Variants in C9orf85 observed in about 807,000 individuals in gnomAD.
C9orf85 encodes the protein chromosome 9 open reading frame 85.
In C9orf85, 16 loss-of-function variants were observed where a neutral mutation model predicts 14.9. The ratio of observed to expected loss-of-function variants is 1.08; its 90% confidence interval spans 0.73 to 1.63. The LOEUF is 1.63. Among genes scored for constraint, C9orf85 ranks in the 40% most tolerant of loss-of-function variants. C9orf85 has a pLI of 0.00. For missense variants in C9orf85, 172 were observed against 186.1 expected, an observed-to-expected ratio of 0.92 and a Z score of 0.44; for synonymous variants, 45 against 56.8, an observed-to-expected ratio of 0.79 and a Z score of 0.93.
chr9:71,944,277 A>T (rs1284571944), intron 1 of C9orf85, among the ~76,000 whole-genome samples: 1 of 151,606 alleles, frequency 6.6e-6, no homozygotes, highest in Admixed American at 6.6e-5. Flanking sequence ...AGACATTTTT[A>T]AGACGTTATG....
At chr9:71,950,849 G>A (rs995621232) in intron 2 of C9orf85, among the ~76,000 whole-genome samples, 1 of 152,118 alleles carries the variant, frequency 6.6e-6, no homozygotes, top group African/African-American at 2.4e-5. Context: ...CTTTTTATAA[G>A]TGACATTTCT....
intron 3 of C9orf85, among the ~76,000 whole-genome samples, chr9:71,979,905 A>G (rs529312337): frequency 2.2e-4 from 33 of 152,324 alleles, no homozygotes; most frequent in Admixed American, 1.6e-3. Context: ...TGCATTTTAA[A>G]TTACAAATAA....
intron 1 of C9orf85, among the ~76,000 whole-genome samples, chr9:71,928,925 C>A (rs1210941992): frequency 1.3e-5 from 2 of 152,138 alleles, no homozygotes; most frequent in African/African-American, 4.8e-5. Context: ...AAAATGCTCT[C>A]AACTGAAGTT....
chr9:71,981,171 G>T (rs1823089350), intron 3 of C9orf85, among the ~76,000 whole-genome samples: 1 of 152,204 alleles, frequency 6.6e-6, no homozygotes, highest in African/African-American at 2.4e-5. Context: ...GGTTACACAA[G>T]CAGGTACAAC....
chr9:71,911,753 A>T lies in C9orf85; in HGVS notation c.19A>T (p.Asn7Tyr). Residue 7 changes from asparagine to tyrosine, a missense_variant, in exon 1 of 4, where the codon AAC becomes TAC. Asn to Tyr is a moderately radical substitution (Grantham distance 143, BLOSUM62 -2). Coordinates refer to ENST00000334731, the MANE Select transcript of C9orf85 (RefSeq NM_182505.5). MSSQKG[N>Y]VARSRPQKHQ... ...TTCGGCGATGAGCTCCCAGAAAGGCAACGTGGCTCGTTCCAGACCTCAGAA... is the reference window on the plus strand; with the variant it reads ...TTCGGCGATGAGCTCCCAGAAAGGCTACGTGGCTCGTTCCAGACCTCAGAA... 6.2e-7 allele frequency: 1 copy of T among 1,614,170 alleles called. No individual in the cohort carries two copies. Among genetic ancestry groups the T allele is most frequent in the Non-Finnish European group, 8.5e-7 (1 of 1,180,024 alleles).
intron 2 of C9orf85, among the ~76,000 whole-genome samples, chr9:71,949,183 A>G (rs1322074692): frequency 1.3e-5 from 2 of 152,180 alleles, no homozygotes; most frequent in African/African-American, 4.8e-5. Context: ...TTGTTTCCTA[A>G]AAGAATTTGA....
At chr9:71,941,739 G>A (rs1355628884) in intron 1 of C9orf85, 1 of 152,190 alleles carries the variant, frequency 6.6e-6, no homozygotes, top group Non-Finnish European at 1.5e-5. Context: ...TCTTGGAGAA[G>A]TTGAAATTTC....
chr9:71,937,117 G>A lies in C9orf85; in HGVS notation c.103-9889G>A, dbSNP rs548139322. The stretch of plus-strand genomic sequence containing the variant: ...AGCGCAGTGTTTGTTAGAATGCTTC[G>A]CAAATATTTATTTGTTAAAATACAA... On this transcript the variant is annotated intron_variant, in intron 1 of 3. Transcript: ENST00000334731. Among the ~76,000 whole-genome samples, 7 of 152,176 alleles carry A rather than the reference G, an allele frequency of 4.6e-5. No individual in the cohort carries two copies. The South Asian group carries it at 6.2e-4, about 14-fold the overall frequency.
At chr9:71,958,230 ATT>A (rs1491237298) in intron 2 of C9orf85, among the ~76,000 whole-genome samples, 1 of 140,542 alleles carries the variant, frequency 7.1e-6, no homozygotes, top group African/African-American at 2.6e-5. Flanking sequence ...ATATATATAT[ATT>A]ATATATATAT....
At chr9:71,921,358 C>G (rs1243257646) in intron 1 of C9orf85, among the ~76,000 whole-genome samples, 3 of 152,200 alleles carry the variant, frequency 2.0e-5, no homozygotes, top group Middle Eastern at 3.2e-3. Flanking sequence ...TTGACTTCCA[C>G]AACTCCTTTA....
chr9:71,967,635 T>G (rs1481526744), intron 2 of C9orf85, among the ~76,000 whole-genome samples: 1 of 151,878 alleles, frequency 6.6e-6, no homozygotes, highest in East Asian at 2.0e-4. Context: ...ATAGATTCAT[T>G]GGTGTTTTCT....
chr9:71,984,629 A>G (rs949675338), downstream of C9orf85: 1 of 152,274 alleles, frequency 6.6e-6, no homozygotes, highest in African/African-American at 2.4e-5. Context: ...TAGCATAGCT[A>G]GGAGGACAGG....
At chr9:71,984,467 A>G (rs1210802155), downstream of C9orf85, 2 of 152,240 alleles carry the variant, frequency 1.3e-5, no homozygotes, top group Non-Finnish European at 2.9e-5. Context: ...CACCTGTAAC[A>G]TGTATTTAAA....
At chr9:71,951,074 C>T (rs994856081) in intron 2 of C9orf85, among the ~76,000 whole-genome samples, 5 of 152,076 alleles carry the variant, frequency 3.3e-5, no homozygotes, top group African/African-American at 9.7e-5. Flanking sequence ...TTACTGCGTT[C>T]GTAGCTGACA....
At chr9:71,934,985 T>C (rs1045913769) in intron 1 of C9orf85, among the ~76,000 whole-genome samples, 1 of 152,292 alleles carries the variant, frequency 6.6e-6, no homozygotes, top group African/African-American at 2.4e-5. Context: ...TCCAAAGATA[T>C]GCAAATGGTC....
chr9:71,971,490 T>C lies in C9orf85; in HGVS notation c.210-15T>C, dbSNP rs2132361161. 1 of 1,402,848 alleles carries C rather than the reference T, an allele frequency of 7.1e-7. No individual in the cohort carries two copies. The highest frequency in any genetic ancestry group is 2.4e-5 in the East Asian group (1 of 42,404). 86.9% of individuals were successfully genotyped at this position (1,402,848 alleles called of 1,614,324 possible). A position where few individuals can be genotyped will look rare whatever the true frequency, so the allele number is the denominator to read the frequency against. On this transcript the variant is annotated splice_polypyrimidine_tract_variant and intron_variant, in intron 2 of 3. Transcript: ENST00000334731. ...AATAAACATAAATAAGTTAACATTT[T>C]ATTTTTTATTTTAGTGTTAAATGTT...
intron 1 of C9orf85, among the ~76,000 whole-genome samples, chr9:71,932,258 C>T (rs988427203): frequency 3.3e-5 from 5 of 151,910 alleles, no homozygotes; most frequent in South Asian, 2.1e-4. Flanking sequence ...GGGAAATGGT[C>T]GGGGGAGGAA....
chr9:71,938,561 AT>A (rs931247301), intron 1 of C9orf85, among the ~76,000 whole-genome samples: 5 of 151,850 alleles, frequency 3.3e-5, no homozygotes, highest in Non-Finnish European at 5.9e-5. Flanking sequence ...AACATGAACT[AT>A]TTTTTTCTCT....
rs909969381 is a variant in C9orf85 at position 71,918,489 on chromosome 9, C to T, written c.102+6653C>T. On this transcript the variant is annotated intron_variant, in intron 1 of 3. Transcript: ENST00000334731. ...CTCCCTGTGGAGCAGGGGTCCCCAG[C>T]CCCCGACCCCCGCATCGGTCCATGG... 8.6e-6 allele frequency: 11 copies of T among 1,282,732 alleles called. 1 individual carries two copies. The Middle Eastern group carries it at 1.1e-3, about 125-fold the overall frequency. The allele number at this position is 1,282,732 out of a possible 1,614,324, so 79.5% of individuals were successfully genotyped here.
Sources: gnomAD v4.1 joint callset for allele counts (sites outside exome capture counted in the v4.1 genomes callset) on GRCh38, gnomAD v4.1.1 for gene constraint, MANE v1.5 for transcripts, NCBI Gene and HGNC (gene_info 2026-07-23, HGNC 2026-07-21) for gene names.